Variants in C13orf46 observed in about 807,000 individuals in gnomAD.
The protein encoded by C13orf46 is chromosome 13 open reading frame 46.
At chr13:113,940,499 GT>G in the C13orf46 span, among the ~76,000 whole-genome samples, 13 of 132,458 alleles carry the variant, frequency 9.8e-5, no homozygotes, top group Admixed American at 6.1e-4. Context: ...CGAGACCCTG[GT>G]CTCTGGGACT....
downstream of C13orf46, among the ~76,000 whole-genome samples, chr13:113,949,662 C>A (rs2052481440): frequency 1.3e-5 from 2 of 152,266 alleles, no homozygotes; most frequent in Non-Finnish European, 2.9e-5. Context: ...CAGGCCCTCA[C>A]ACCCGCAGAT....
intron 6 of C13orf46, among the ~76,000 whole-genome samples, chr13:113,963,038 T>C (rs957370414): frequency 1.3e-5 from 2 of 152,188 alleles, no homozygotes; most frequent in South Asian, 4.1e-4. Context: ...GTAGCGCAGG[T>C]AGGGCTGTCA....
chr13:113,927,388 A>G, the C13orf46 span: 6 of 395,748 alleles, frequency 1.5e-5, no homozygotes, highest in Admixed American at 1.8e-4. Flanking sequence ...TGGACGGCCA[A>G]TCCAGACACC....
At chr13:113,939,985 G>T in the C13orf46 span, among the ~76,000 whole-genome samples, 1 of 152,242 alleles carries the variant, frequency 6.6e-6, no homozygotes, top group Non-Finnish European at 1.5e-5. Flanking sequence ...TCTGTCATGT[G>T]TGTGGGCTCT....
the C13orf46 span, among the ~76,000 whole-genome samples, chr13:113,942,339 CA>C: frequency 1.3e-5 from 2 of 152,208 alleles, no homozygotes; most frequent in East Asian, 3.8e-4. Context: ...CACCACGAGT[CA>C]AAGTCCACGG....
At chr13:113,928,040 C>T in the C13orf46 span, 3 of 171,830 alleles carry the variant, frequency 1.7e-5, no homozygotes, top group East Asian at 1.5e-4. Flanking sequence ...AAAAGCATCG[C>T]GTCCTCCAGA....
the C13orf46 span, chr13:113,926,945 C>T: frequency 6.6e-6 from 1 of 152,250 alleles, no homozygotes; most frequent in Non-Finnish European, 1.5e-5. Context: ...TGCATGCAGC[C>T]CTCTCAGGGC....
chr13:113,961,527 G>A (rs2052586795), intron 6 of C13orf46, among the ~76,000 whole-genome samples: 1 of 149,118 alleles, frequency 6.7e-6, no homozygotes. Flanking sequence ...AACTGTGGCT[G>A]TTCTAAGGTT....
chr13:113,960,794 G>A (rs2138982066), intron 6 of C13orf46, among the ~76,000 whole-genome samples: 1 of 152,338 alleles, frequency 6.6e-6, no homozygotes, highest in East Asian at 1.9e-4. Flanking sequence ...TCCTGTGTCA[G>A]GCGAGGTTCC....
the C13orf46 span, among the ~76,000 whole-genome samples, chr13:113,939,881 A>C: frequency 1.3e-5 from 2 of 152,210 alleles, no homozygotes; most frequent in Non-Finnish European, 2.9e-5. Flanking sequence ...AACACGATTC[A>C]GCGTGAAAAA....
chr13:113,945,579 G>A, the C13orf46 span, among the ~76,000 whole-genome samples: 1,967 of 101,272 alleles, frequency 0.019, 20 homozygotes, highest in Middle Eastern at 0.049. Flanking sequence ...GAAAGAAAGA[G>A]AGAGAGAGAG....
chr13:113,971,797 C>T (rs74406200), intron 1 of C13orf46, among the ~76,000 whole-genome samples: 19,081 of 152,290 alleles, frequency 0.13, 1,654 homozygotes, highest in Middle Eastern at 0.2. Flanking sequence ...GAAACCAAGG[C>T]CACGTCGGAC....
the C13orf46 span, among the ~76,000 whole-genome samples, chr13:113,939,032 G>A: frequency 6.6e-6 from 1 of 152,006 alleles, no homozygotes; most frequent in Non-Finnish European, 1.5e-5. Context: ...CTTCCAAGCT[G>A]GCATTCCAGA....
intron 1 of C13orf46, among the ~76,000 whole-genome samples, chr13:113,972,358 A>G (rs1286252378): frequency 6.6e-6 from 1 of 152,208 alleles, no homozygotes; most frequent in Non-Finnish European, 1.5e-5. Flanking sequence ...CTCAGAGAAG[A>G]ACACATATTT....
chr13:113,961,482 G>GTTTTTTTTTTTTTTTTTT (rs1594246310), intron 6 of C13orf46, among the ~76,000 whole-genome samples: 36 of 146,510 alleles, frequency 2.5e-4, no homozygotes, highest in South Asian at 8.8e-4. Flanking sequence ...AGAAATAACT[G>GTTTTTTTTTTTTTTTTTT]TTTTCTTGTT....
the C13orf46 span, among the ~76,000 whole-genome samples, chr13:113,945,606 A>AGAGAG: frequency 6.0e-5 from 2 of 33,574 alleles, no homozygotes; most frequent in African/African-American, 2.4e-4. Context: ...AGAAAGAAAG[A>AGAGAG]AGAAAGAAAG....
the C13orf46 span, among the ~76,000 whole-genome samples, chr13:113,943,988 G>C: frequency 1.1e-3 from 170 of 152,252 alleles, no homozygotes; most frequent in African/African-American, 3.8e-3. Context: ...CCTCTGGCTC[G>C]GGACCTTCAG....
At chr13:113,967,233 A>G (rs2052658780) in intron 5 of C13orf46, 108 bp downstream of exon 5, 3 of 152,300 alleles carry the variant, frequency 2.0e-5, no homozygotes, top group East Asian at 3.9e-4. Context: ...ACACATGGCT[A>G]TTGTGGGGTA....
downstream of C13orf46, among the ~76,000 whole-genome samples, chr13:113,951,890 T>C (rs1009079218): frequency 5.9e-5 from 9 of 152,340 alleles, no homozygotes; most frequent in Admixed American, 1.3e-4. Flanking sequence ...GGACAGGGCC[T>C]GGCAGGGGCC....
Sources: allele counts gnomAD v4.1 joint callset (sites outside exome capture counted in the v4.1 genomes callset), GRCh38; gene constraint gnomAD v4.1.1; transcripts MANE v1.5; gene names NCBI Gene and HGNC (gene_info 2026-07-23, HGNC 2026-07-21).